Variants in CUX1 observed in about 807,000 individuals in gnomAD.
CUX1 encodes the protein protein CASP.
CUX1 carries 31 observed loss-of-function variants against 158.8 expected under a neutral mutation model. The observed-to-expected ratio is 0.20, with a 90% CI of 0.15 to 0.26. The LOEUF is 0.26. CUX1 is among the 10% of genes least tolerant of loss of function. The pLI is 1.00. For missense variants in CUX1, 1,589 were observed against 2,014.6 expected (o/e 0.79, Z 4.04); for synonymous variants, 879 against 862.1 (o/e 1.02, Z -0.34).
intron 1 of CUX1, among the ~76,000 whole-genome samples, chr7:101,841,758 C>T (rs1473389086): frequency 6.6e-6 from 1 of 152,016 alleles, no homozygotes; most frequent in Non-Finnish European, 1.5e-5. Flanking sequence ...CAGGGTTTCA[C>T]CTTGTTGGAC....
At chr7:101,954,554 A>G (rs532002503) in intron 2 of CUX1, among the ~76,000 whole-genome samples, 1 of 152,210 alleles carries the variant, frequency 6.6e-6, no homozygotes, top group African/African-American at 2.4e-5. Context: ...CATGCCTATA[A>G]TCCCAGCACT....
intron 11 of CUX1, among the ~76,000 whole-genome samples, chr7:102,185,084 G>A (rs1793493628): frequency 6.6e-6 from 1 of 152,272 alleles, no homozygotes; most frequent in African/African-American, 2.4e-5. Flanking sequence ...AGAATAGCGG[G>A]GACCCTGGGA....
chr7:101,940,078 TAAA>T (rs1180448927), intron 2 of CUX1, among the ~76,000 whole-genome samples: 1 of 115,166 alleles, frequency 8.7e-6, no homozygotes, highest in Non-Finnish European at 1.9e-5. Context: ...AGACTCCATC[TAAA>T]AAAAAAAAAA....
intron 10 of CUX1, among the ~76,000 whole-genome samples, chr7:102,173,444 A>G (rs1180251842): frequency 3.3e-5 from 5 of 152,202 alleles, no homozygotes; most frequent in Admixed American, 1.3e-4. Context: ...CGTCCTTCAT[A>G]CTTCATGGAC....
chr7:102,129,294 A>C (rs534793278), intron 8 of CUX1, among the ~76,000 whole-genome samples: 2 of 152,220 alleles, frequency 1.3e-5, no homozygotes, highest in South Asian at 4.1e-4. Flanking sequence ...AATCTGCATC[A>C]GTCACCATTG....
intron 2 of CUX1, among the ~76,000 whole-genome samples, chr7:102,019,630 T>A (rs1253609536): frequency 6.6e-6 from 1 of 152,150 alleles, no homozygotes. Context: ...CACCCTATGT[T>A]GAAATCCTGC....
intron 20 of CUX1, among the ~76,000 whole-genome samples, chr7:102,209,974 T>A (rs1554522687): frequency 1.3e-5 from 2 of 152,110 alleles, no homozygotes; most frequent in African/African-American, 4.8e-5. Flanking sequence ...ACAGCCTCAA[T>A]CTCTCAGGCT....
intron 2 of CUX1, among the ~76,000 whole-genome samples, chr7:102,025,542 C>T (rs776843254): frequency 2.0e-5 from 3 of 152,084 alleles, no homozygotes; most frequent in African/African-American, 4.8e-5. Flanking sequence ...GTGAGAGGAT[C>T]CCTTGAACCC....
chr7:101,878,785 G>A (rs961445862), intron 1 of CUX1, among the ~76,000 whole-genome samples: 112 of 152,016 alleles, frequency 7.4e-4, no homozygotes, highest in African/African-American at 2.4e-3. Context: ...CAATTCTCCT[G>A]CCTGAGCCTC....
At position 102,255,542 on chromosome 7, in the gene CUX1, G is replaced by A; in HGVS notation, c.*6500G>A. 2.0e-6 allele frequency: 2 copies of A among 985,332 alleles called. No individual in the cohort carries two copies. Among genetic ancestry groups the A allele is most frequent in the Non-Finnish European group, 2.4e-6 (2 of 829,912 alleles). The allele number at this position is 985,332 out of a possible 1,614,324, so 61.0% of individuals were successfully genotyped here. A position where few individuals can be genotyped will look rare whatever the true frequency, so the allele number is the denominator to read the frequency against. ...TAGTTTACCCGATAATGTTAAGAAA[G>A]CATTAGTCTACGTTACTGTAATTTC... On this transcript the variant is annotated 3_prime_UTR_variant, in exon 24 of 24. Transcript: ENST00000292535.
At chr7:101,820,899 T>C (rs768984151) in intron 1 of CUX1, among the ~76,000 whole-genome samples, 3 of 152,196 alleles carry the variant, frequency 2.0e-5, no homozygotes, top group Non-Finnish European at 2.9e-5. Flanking sequence ...TTTTCACTTA[T>C]AGCCATTCGT....
chr7:101,882,549 C>G (rs1449608362), intron 1 of CUX1, among the ~76,000 whole-genome samples: 1 of 152,152 alleles, frequency 6.6e-6, no homozygotes, highest in Non-Finnish European at 1.5e-5. Context: ...GAAATAAAGC[C>G]GGGGTGCTGT....
intron 2 of CUX1, among the ~76,000 whole-genome samples, chr7:101,967,167 C>T (rs1012132218): frequency 1.1e-4 from 16 of 152,074 alleles, no homozygotes; most frequent in African/African-American, 3.9e-4. Flanking sequence ...GTGCCCTCCA[C>T]TTATGCCCAG....
intron 8 of CUX1, among the ~76,000 whole-genome samples, chr7:102,144,322 A>T (rs1554501267): frequency 6.6e-6 from 1 of 151,762 alleles, no homozygotes. Flanking sequence ...TTTTTTGTTT[A>T]TGTTTCATAT....
chr7:101,866,955 T>C (rs1247644098), intron 1 of CUX1, among the ~76,000 whole-genome samples: 1 of 152,208 alleles, frequency 6.6e-6, no homozygotes, highest in Non-Finnish European at 1.5e-5. Context: ...GCATGGTGGC[T>C]CACGCCTGTA....
Position 102,232,910 on chromosome 7 carries a change from C to T in CUX1, c.3434-1142C>T, listed in dbSNP as rs78575704. 8.8e-4 allele frequency among the ~76,000 whole-genome samples: 134 copies of T among 152,286 alleles called. 2 individuals carry two copies. In the East Asian group the frequency reaches 0.018, roughly 20 times the overall value. ...AGCAGACTTTGGAATTGGAATCGGCCGGCCTCTCAGAAAAGCAGAGCTGGG... is the reference window on the plus strand; with the variant it reads ...AGCAGACTTTGGAATTGGAATCGGCTGGCCTCTCAGAAAAGCAGAGCTGGG... On this transcript the variant is annotated intron_variant, in intron 21 of 23. Coordinates refer to ENST00000292535, the MANE Select transcript of CUX1 (RefSeq NM_181552.4).
chr7:102,036,336 G>A (rs1212166510), intron 3 of CUX1, among the ~76,000 whole-genome samples: 12 of 152,114 alleles, frequency 7.9e-5, no homozygotes, highest in Non-Finnish European at 1.6e-4. Flanking sequence ...GTAAATAATA[G>A]TGAAGATAAT....
intron 1 of CUX1, among the ~76,000 whole-genome samples, chr7:101,858,653 G>A (rs1797131736): frequency 6.7e-6 from 1 of 149,334 alleles, no homozygotes; most frequent in East Asian, 1.9e-4. Context: ...CCCTTAGAAT[G>A]CGAATGCCTT....
intron 3 of CUX1, among the ~76,000 whole-genome samples, chr7:102,041,132 CAA>C (rs552207636): frequency 2.2e-5 from 3 of 137,384 alleles, no homozygotes; most frequent in Non-Finnish European, 4.7e-5. Flanking sequence ...ACTAAAAATA[CAA>C]AAAAAAAACA....
Sources: allele counts gnomAD v4.1 joint callset (sites outside exome capture counted in the v4.1 genomes callset), GRCh38; gene constraint gnomAD v4.1.1; transcripts MANE v1.5; gene names NCBI Gene and HGNC (gene_info 2026-07-23, HGNC 2026-07-21).